RBFOX1: variants seen among roughly 807,000 people sequenced by gnomAD.
RBFOX1 encodes RNA binding fox-1 homolog 1.
RBFOX1 carries 8 observed loss-of-function variants against 57.7 expected under a neutral mutation model. That is an observed-to-expected ratio of 0.14 (90% CI 0.08 to 0.25). The LOEUF (loss-of-function observed/expected upper bound fraction) is 0.25, where lower values mean the gene tolerates loss of function less well. RBFOX1 is among the 10% of genes least tolerant of loss of function. RBFOX1 has a pLI of 1.00. For missense variants in RBFOX1, 611 were observed against 548.5 expected (o/e 1.11, Z -1.14); for synonymous variants, 326 against 222.4 (o/e 1.47, Z -4.15).
chr16:7,158,612 T>G (rs2077631751), intron 4 of RBFOX1, among the ~76,000 whole-genome samples: 2 of 151,932 alleles, frequency 1.3e-5, no homozygotes, highest in South Asian at 4.2e-4. Flanking sequence ...GACCATGTGT[T>G]TGTATGATGT....
intron 3 of RBFOX1, among the ~76,000 whole-genome samples, chr16:5,843,213 G>C (rs1319433686): frequency 1.3e-5 from 2 of 152,134 alleles, no homozygotes; most frequent in Admixed American, 1.3e-4. Context: ...TCAGGGGTTT[G>C]TTTTACAGAT....
chr16:6,800,238 A>C (rs773560745), intron 3 of RBFOX1, among the ~76,000 whole-genome samples: 48 of 146,036 alleles, frequency 3.3e-4, no homozygotes, highest in Admixed American at 9.4e-4. Context: ...TGTTTGCCCA[A>C]GACTGTCCCA....
At chr16:5,356,406 T>G (rs988701673) in intron 1 of RBFOX1, among the ~76,000 whole-genome samples, 2 of 152,218 alleles carry the variant, frequency 1.3e-5, no homozygotes. Flanking sequence ...GACTAAACTT[T>G]CTTCGTGACT....
At chr16:6,352,301 A>G (rs996193907) in intron 2 of RBFOX1, among the ~76,000 whole-genome samples, 1 of 152,146 alleles carries the variant, frequency 6.6e-6, no homozygotes, top group African/African-American at 2.4e-5. Context: ...TTTTGTTGCT[A>G]GGACCATTGT....
At chr16:7,202,080 A>G (rs1024683927) in intron 4 of RBFOX1, among the ~76,000 whole-genome samples, 4 of 152,156 alleles carry the variant, frequency 2.6e-5, no homozygotes, top group African/African-American at 4.8e-5. Context: ...ACTGTCTCCA[A>G]AAATCAATAT....
At chr16:5,510,263 A>G (rs2151720287) in intron 2 of RBFOX1, among the ~76,000 whole-genome samples, 2 of 152,280 alleles carry the variant, frequency 1.3e-5, no homozygotes, top group Admixed American at 1.3e-4. Flanking sequence ...TTATTGTCAC[A>G]GGTGCAGCTG....
At chr16:6,777,816 C>G (rs1603620329) in intron 3 of RBFOX1, among the ~76,000 whole-genome samples, 1 of 152,088 alleles carries the variant, frequency 6.6e-6, no homozygotes, top group Admixed American at 6.6e-5. Context: ...TGTCATCAAG[C>G]TTTCCAGTTT....
chr16:5,493,277 A>T (rs2042894151), intron 2 of RBFOX1, among the ~76,000 whole-genome samples: 1 of 152,112 alleles, frequency 6.6e-6, no homozygotes, highest in Admixed American at 6.6e-5. Flanking sequence ...TCACTATGTT[A>T]CTCAGGGTGG....
intron 4 of RBFOX1, among the ~76,000 whole-genome samples, chr16:7,465,886 A>G (rs182040487): frequency 6.6e-6 from 1 of 152,282 alleles, no homozygotes; most frequent in Admixed American, 6.5e-5. Context: ...TCATACATAC[A>G]TTTTTTTGCC....
intron 4 of RBFOX1, among the ~76,000 whole-genome samples, chr16:7,385,457 C>T (rs1008370773): frequency 3.9e-5 from 6 of 151,960 alleles, no homozygotes; most frequent in Admixed American, 6.6e-5. Flanking sequence ...ATGGAGAGGT[C>T]GGGGCTTGGG....
intron 3 of RBFOX1, among the ~76,000 whole-genome samples, chr16:6,720,911 A>G (rs538568969): frequency 6.6e-6 from 1 of 152,236 alleles, no homozygotes; most frequent in African/African-American, 2.4e-5. Flanking sequence ...TGATGCTACC[A>G]TGTTATTAAT....
chr16:6,210,706 C>G (rs932507195), intron 1 of RBFOX1, among the ~76,000 whole-genome samples: 4 of 151,580 alleles, frequency 2.6e-5, no homozygotes, highest in African/African-American at 9.7e-5. Context: ...GCCTGGGTGA[C>G]ACAGTGAGAC....
At chr16:5,855,857 G>A (rs761711197) in intron 3 of RBFOX1, among the ~76,000 whole-genome samples, 51 of 151,146 alleles carry the variant, frequency 3.4e-4, no homozygotes, top group Non-Finnish European at 3.2e-4. Flanking sequence ...CGTGAATATC[G>A]GATGTCTTTG....
At chr16:7,192,921 T>A (rs1200440007) in intron 4 of RBFOX1, among the ~76,000 whole-genome samples, 2 of 152,154 alleles carry the variant, frequency 1.3e-5, no homozygotes, top group Non-Finnish European at 2.9e-5. Flanking sequence ...CTGAGAACAA[T>A]GTAAAAAGCA....
chr16:6,535,152 G>C (rs1199953911), intron 2 of RBFOX1, among the ~76,000 whole-genome samples: 1 of 152,146 alleles, frequency 6.6e-6, no homozygotes, highest in Non-Finnish European at 1.5e-5. Flanking sequence ...ACGTGTGCTG[G>C]TTTGTCTGGG....
intron 3 of RBFOX1, among the ~76,000 whole-genome samples, chr16:6,989,415 T>C (rs1014561563): frequency 7.9e-5 from 12 of 152,202 alleles, no homozygotes; most frequent in Admixed American, 2.0e-4. Flanking sequence ...TTTGTTATTA[T>C]TTAACGGTGC....
chr16:6,633,133 G>T (rs2098403583), intron 2 of RBFOX1, among the ~76,000 whole-genome samples: 1 of 152,206 alleles, frequency 6.6e-6, no homozygotes, highest in African/African-American at 2.4e-5. Context: ...CACAGATGCA[G>T]CTGACGTGCA....
chr16:7,051,143 G>T (rs2049929449), intron 3 of RBFOX1, among the ~76,000 whole-genome samples: 1 of 152,122 alleles, frequency 6.6e-6, no homozygotes, highest in Non-Finnish European at 1.5e-5. Context: ...ATACTGGAAA[G>T]ATATAGAATA....
intron 1 of RBFOX1, among the ~76,000 whole-genome samples, chr16:6,153,897 A>G (rs1192288780): frequency 1.3e-5 from 2 of 152,226 alleles, no homozygotes; most frequent in African/African-American, 4.8e-5. Context: ...GTGAGAACAT[A>G]CAATGTTTTG....
Sources: gnomAD v4.1 joint callset for allele counts (sites outside exome capture counted in the v4.1 genomes callset) on GRCh38, gnomAD v4.1.1 for gene constraint, MANE v1.5 for transcripts, NCBI Gene and HGNC (gene_info 2026-07-23, HGNC 2026-07-21) for gene names.